TMEM74B: variants seen among roughly 807,000 people sequenced by gnomAD.
The protein encoded by TMEM74B is transmembrane protein C20orf46.
TMEM74B carries 7 observed loss-of-function variants against 6.5 expected under a neutral mutation model. The observed-to-expected ratio is 1.07, with a 90% CI of 0.61 to 2.01. The LOEUF (loss-of-function observed/expected upper bound fraction) is 2.01, where lower values mean the gene tolerates loss of function less well. TMEM74B is among the 30% of genes most tolerant of loss of function. The pLI, the probability that TMEM74B is intolerant of heterozygous loss-of-function variation, is 0.00. For synonymous variants in TMEM74B, 151 were observed against 151.6 expected (o/e 1.00, Z 0.03); for missense variants, 342 against 337.0 (o/e 1.01, Z -0.12).
chr20:1,180,679 G>A lies in TMEM74B; in HGVS notation c.*169C>T, dbSNP rs559027643. ...TCAGTGGGCTGCTTGCCCGTGTGGG[G>A]CATGGGCTGGGCCCCGAGCTCTCCC... On this transcript the variant is annotated 3_prime_UTR_variant, in exon 3 of 3. Transcript: ENST00000429036. The surrounding 1 kb of genome is among the most constrained non-coding windows in gnomAD (Gnocchi z 6.1). 8.2e-6 allele frequency: 7 copies of A among 853,174 alleles called. No individual in the cohort carries two copies. The South Asian group carries it at 1.8e-4, about 21-fold the overall frequency. 52.9% of individuals were successfully genotyped at this position (853,174 alleles called of 1,614,324 possible).
upstream of TMEM74B, chr20:1,189,083 A>T (rs755423585): frequency 1.3e-5 from 2 of 152,228 alleles, no homozygotes; most frequent in African/African-American, 4.8e-5. This position sits in a 1 kb window ranked among gnomAD's most constrained non-coding sequence, Gnocchi z 4.5. Context: ...CAACTCCAAC[A>T]GTCAAATCAC....
At chr20:1,185,603 G>C (rs1048630969), upstream of TMEM74B, among the ~76,000 whole-genome samples, 7 of 152,072 alleles carry the variant, frequency 4.6e-5, no homozygotes, top group South Asian at 1.5e-3. Flanking sequence ...GGGTGCGGGG[G>C]CTCCGATCCA....
rs2086978603 is a variant in TMEM74B, at chr20:1,184,892, G to A, written c.-738C>T. Among the ~76,000 whole-genome samples, 1 of 152,178 alleles carries A rather than the reference G, an allele frequency of 6.6e-6. No homozygotes were observed. Among genetic ancestry groups the A allele is most frequent in the South Asian group, 2.1e-4 (1 of 4,838 alleles). On this transcript the variant is annotated 5_prime_UTR_variant, in exon 1 of 3. Coordinates refer to ENST00000429036, the MANE Select transcript of TMEM74B (RefSeq NM_001304748.2). This position sits in a 1 kb window ranked among gnomAD's most constrained non-coding sequence, Gnocchi z 6.0. ...CCAAAGTTGCGCGCAGAAAGCCCCA[G>A]CACGCCGGCTGCCCACCGCGCCCGC...
At chr20:1,182,458 A>T (rs1266836570) in intron 2 of TMEM74B, among the ~76,000 whole-genome samples, 1 of 150,766 alleles carries the variant, frequency 6.6e-6, no homozygotes, top group Non-Finnish European at 1.5e-5. Flanking sequence ...CTTCAGAAGA[A>T]AGGAGGACTG....
At chr20:1,185,640 T>C (rs2087004723), upstream of TMEM74B, among the ~76,000 whole-genome samples, 1 of 151,148 alleles carries the variant, frequency 6.6e-6, no homozygotes, top group Admixed American at 6.6e-5. Context: ...TCCAGGCAGA[T>C]CTGGATCGCC....
chr20:1,181,158 A>G lies in TMEM74B; in HGVS notation c.461T>C (p.Val154Ala), dbSNP rs949710153. The G allele has an allele frequency of 4.6e-5, 74 of 1,614,068 alleles. No individual in the cohort carries two copies. Among genetic ancestry groups the G allele is most frequent in the Non-Finnish European group, 6.3e-5 (74 of 1,180,002 alleles). ...CAGTCGTTCCATCTCCCGCGCTGTCACTGTGTCCGGATTGACTCGAGCCTC... is the reference window on the plus strand; with the variant it reads ...CAGTCGTTCCATCTCCCGCGCTGTCGCTGTGTCCGGATTGACTCGAGCCTC... ...PREARVNPDTVTAREMERLEM... is the reference protein window; with the variant it reads ...PREARVNPDTATAREMERLEM... The change falls in exon 3 of 3, where the codon GTG (valine) becomes GCG (alanine). Residue 154 changes from valine (V) to alanine (A), a missense_variant. Val to Ala is a moderately conservative substitution (Grantham distance 64, BLOSUM62 0). Transcript: ENST00000429036. The surrounding 1 kb of genome is among the most constrained non-coding windows in gnomAD (Gnocchi z 4.9).
upstream of TMEM74B, among the ~76,000 whole-genome samples, chr20:1,185,702 G>GGGGC (rs906166655): frequency 1.1e-4 from 17 of 151,856 alleles, no homozygotes; most frequent in African/African-American, 3.9e-4. Flanking sequence ...CACGGGCGCA[G>GGGGC]GGGCGGGGCG....
intron 2 of TMEM74B, among the ~76,000 whole-genome samples, chr20:1,182,097 G>A (rs965076991): frequency 6.8e-6 from 1 of 146,926 alleles, no homozygotes; most frequent in Middle Eastern, 3.6e-3. Context: ...CCCTCATAAG[G>A]TTGTTGTGAG....
chr20:1,183,318 G>GTGTGTT (rs2086927783), intron 2 of TMEM74B, among the ~76,000 whole-genome samples: 5 of 126,624 alleles, frequency 3.9e-5, no homozygotes, highest in Non-Finnish European at 7.1e-5. Flanking sequence ...GTGTGTGTTT[G>GTGTGTT]TGTGTGTGTG....
rs2086851033 is a variant in TMEM74B at position 1,181,102 on chromosome 20, G to C, written c.517C>G (p.Leu173Val). ...EMYYARLGSHLDRCIIAGLGL... is the reference protein window; with the variant it reads ...EMYYARLGSHVDRCIIAGLGL... ...AGGCCTGCGATGATGCACCTGTCCA[G>C]GTGGGAGCCTAGGCGGGCGTAGTAC... The change falls in exon 3 of 3, where the codon CTG becomes GTG. Residue 173 changes from leucine to valine, a missense_variant. Transcript: ENST00000429036. The surrounding 1 kb of genome is among the most constrained non-coding windows in gnomAD (Gnocchi z 4.9). The C allele has an allele frequency of 1.9e-6, 3 of 1,613,926 alleles. No homozygotes were observed. Among genetic ancestry groups the C allele is most frequent in the East Asian group, 2.2e-5 (1 of 44,870 alleles).
chr20:1,181,610 A>C lies in TMEM74B; in HGVS notation c.32-23T>G. The C allele has an allele frequency of 1.3e-5, 19 of 1,452,912 alleles. No homozygotes were observed. The highest frequency in any genetic ancestry group is 1.7e-5 in the Non-Finnish European group (19 of 1,110,322). The allele number at this position is 1,452,912 out of a possible 1,614,324, so 90.0% of individuals were successfully genotyped here. On this transcript the variant is annotated intron_variant, in intron 2 of 2. Coordinates refer to ENST00000429036, the MANE Select transcript of TMEM74B (RefSeq NM_001304748.2). This position sits in a 1 kb window ranked among gnomAD's most constrained non-coding sequence, Gnocchi z 4.9. Reference sequence around the variant, plus strand: ...CAGCTGGAAGAGAAAAAAGAAAGTCAGTTGAATGTAGCAACCTCTCCCTGT... The same window carrying C: ...CAGCTGGAAGAGAAAAAAGAAAGTCCGTTGAATGTAGCAACCTCTCCCTGT...
chr20:1,185,725 TGAA>T (rs1232428957), upstream of TMEM74B, among the ~76,000 whole-genome samples: 2 of 151,954 alleles, frequency 1.3e-5, no homozygotes, highest in Admixed American at 1.3e-4. Flanking sequence ...CGGGGGCTGC[TGAA>T]GAAGATCCCT....
chr20:1,183,777 A>C lies in TMEM74B; in HGVS notation c.25T>G (p.Phe9Val), dbSNP rs2086944306. ...ATTATTATCATGTACAAACCTGCAAACTCATACCCCTGTGCTGGTGGCATC... is the reference window on the plus strand; with the variant it reads ...ATTATTATCATGTACAAACCTGCAACCTCATACCCCTGTGCTGGTGGCATC... MPPAQGYE[F>V]AAAKGPRDEL... The change falls in exon 2 of 3, where the codon TTT (phenylalanine) becomes GTT (valine). Residue 9 changes from phenylalanine (F) to valine (V), a missense_variant. Phe to Val is a conservative substitution (Grantham distance 50). Transcript: ENST00000429036. 1 of 1,613,582 alleles carries C rather than the reference A, an allele frequency of 6.2e-7. No homozygotes were observed. The highest frequency in any genetic ancestry group is 1.3e-5 in the African/African-American group (1 of 74,778).
In TMEM74B at chr20:1,181,034, G is replaced by A. The variant is rs1568493034; in HGVS notation, c.585C>T (p.Leu195=). The A allele has an allele frequency of 6.8e-6, 11 of 1,613,720 alleles. No homozygotes were observed. Among genetic ancestry groups the A allele is most frequent in the African/African-American group, 1.3e-5 (1 of 75,024 alleles). Residue 195 remains leucine, a synonymous_variant, in exon 3 of 3, where the codon CTC becomes CTT. Coordinates refer to ENST00000429036, the MANE Select transcript of TMEM74B (RefSeq NM_001304748.2). This position sits in a 1 kb window ranked among gnomAD's most constrained non-coding sequence, Gnocchi z 4.9. ...GCTCGCCCTTGCACAGGGAGACCATGAGCAGCACCGACAAGAGCATGCCGC... is the reference window on the plus strand; with the variant it reads ...GCTCGCCCTTGCACAGGGAGACCATAAGCAGCACCGACAAGAGCATGCCGC... ...TVGGMLLSVL[L]MVSLCKGELY...
chr20:1,185,918 C>T (rs2087014191), upstream of TMEM74B, among the ~76,000 whole-genome samples: 1 of 151,280 alleles, frequency 6.6e-6, no homozygotes, highest in African/African-American at 2.4e-5. Flanking sequence ...GGCTCCGTGG[C>T]TCAAGGGCGC....
At chr20:1,186,249 G>A (rs75601580), upstream of TMEM74B, 5,711 of 152,360 alleles carry the variant, frequency 0.037, 390 homozygotes, top group African/African-American at 0.13. Context: ...CTCCTGGAGA[G>A]CAGGACCCAT....
At position 1,181,951 on chromosome 20, in the gene TMEM74B, T is replaced by A. The variant is rs531744452; in HGVS notation, c.32-364A>T. ...GCTCAAAGTTAGCGATGAGTTCCTA[T>A]TATACTGGAGGGAATGTAGGTAGTG... On this transcript the variant is annotated intron_variant, in intron 2 of 2. Transcript: ENST00000429036. The surrounding 1 kb of genome is among the most constrained non-coding windows in gnomAD (Gnocchi z 4.9). Among the ~76,000 whole-genome samples, 1 of 152,328 alleles carries A rather than the reference T, an allele frequency of 6.6e-6. No homozygotes were observed. Among genetic ancestry groups the A allele is most frequent in the South Asian group, 2.1e-4 (1 of 4,814 alleles).
At chr20:1,183,306 GTGTGTGTGTT>G (rs2086924258) in intron 2 of TMEM74B, among the ~76,000 whole-genome samples, 3 of 150,896 alleles carry the variant, frequency 2.0e-5, no homozygotes, top group Admixed American at 6.7e-5. Flanking sequence ...GTGTGTGTGT[GTGTGTGTGTT>G]TGTGTGTGTG....
In TMEM74B at chr20:1,181,505, A is replaced by C. The variant is rs769361286; in HGVS notation, c.114T>G (p.Asn38Lys). ...CTGATCTCCTTGGGGCTTGGGGACC[A>C]TTGCTCAGTGTCTTCAGTTCCAGAC... ...PPGLELKTLSNGPQAPRRSAP... is the reference protein window; with the variant it reads ...PPGLELKTLSKGPQAPRRSAP... The change falls in exon 3 of 3, where the codon AAT (asparagine) becomes AAG (lysine). Residue 38 changes from asparagine (N) to lysine (K), a missense_variant. Coordinates refer to ENST00000429036, the MANE Select transcript of TMEM74B (RefSeq NM_001304748.2). The surrounding 1 kb of genome is among the most constrained non-coding windows in gnomAD (Gnocchi z 4.9). The C allele has an allele frequency of 6.6e-7, 1 of 1,505,434 alleles. No individual in the cohort carries two copies. Among genetic ancestry groups the C allele is most frequent in the Non-Finnish European group, 8.9e-7 (1 of 1,129,524 alleles). 93.3% of individuals were successfully genotyped at this position (1,505,434 alleles called of 1,614,324 possible).
Sources: allele counts gnomAD v4.1 joint callset (sites outside exome capture counted in the v4.1 genomes callset), GRCh38; gene constraint gnomAD v4.1.1; non-coding constraint Gnocchi (gnomAD v3.1); transcripts MANE v1.5; gene names NCBI Gene and HGNC (gene_info 2026-07-23, HGNC 2026-07-21).